The following GABRG3 variants were observed in gnomAD, a reference collection of about 807,000 sequenced individuals.
The protein encoded by GABRG3 is gamma-aminobutyric acid type A receptor subunit gamma3, also known as gamma-aminobutyric acid receptor subunit gamma-3.
A neutral mutation model predicts 48.8 loss-of-function variants in GABRG3; 25 were observed. That is an observed-to-expected ratio of 0.51 (90% CI 0.37 to 0.72). GABRG3 has a LOEUF of 0.72. GABRG3 is among the 30% of genes least tolerant of loss of function. GABRG3 has a pLI of 0.00. For missense variants in GABRG3, 394 were observed against 577.9 expected, an observed-to-expected ratio of 0.68 and a Z score of 3.26; for synonymous variants, 227 against 217.6, an observed-to-expected ratio of 1.04 and a Z score of -0.38.
intron 3 of GABRG3, among the ~76,000 whole-genome samples, chr15:27,183,310 C>G (rs1307792538): frequency 2.0e-5 from 3 of 152,124 alleles, no homozygotes; most frequent in African/African-American, 4.8e-5. Flanking sequence ...CAAAACAAAG[C>G]ATTAGGCTTG....
chr15:27,265,812 A>T (rs1339444369), intron 3 of GABRG3, among the ~76,000 whole-genome samples: 1 of 151,130 alleles, frequency 6.6e-6, no homozygotes, highest in African/African-American at 2.4e-5. Flanking sequence ...TTTTCTTTTC[A>T]TGGATCATGC....
chr15:27,307,222 CATGTTTATATTAT>C (rs1892608545), intron 3 of GABRG3, among the ~76,000 whole-genome samples: 1 of 129,854 alleles, frequency 7.7e-6, no homozygotes. Context: ...TATATATAAC[CATGTTTATATTAT>C]ATGTTTATAT....
intron 3 of GABRG3, among the ~76,000 whole-genome samples, chr15:27,116,408 A>G (rs192042610): frequency 6.6e-6 from 1 of 151,950 alleles, no homozygotes; most frequent in Non-Finnish European, 1.5e-5. Flanking sequence ...GTTCTATATC[A>G]TTTTATCTTG....
At chr15:27,366,408 A>T (rs1005349687) in intron 5 of GABRG3, 7 of 152,166 alleles carry the variant, frequency 4.6e-5, no homozygotes, top group African/African-American at 1.7e-4. Flanking sequence ...ATTATCTTTG[A>T]TTTCCATGAC....
intron 3 of GABRG3, among the ~76,000 whole-genome samples, chr15:27,237,312 G>C (rs1279335163): frequency 6.6e-6 from 1 of 152,216 alleles, no homozygotes; most frequent in Non-Finnish European, 1.5e-5. Flanking sequence ...ATGTAAGTAT[G>C]GATTTTAAAA....
intron 2 of GABRG3, among the ~76,000 whole-genome samples, chr15:27,022,888 G>A (rs1002683087): frequency 6.6e-6 from 1 of 152,194 alleles, no homozygotes; most frequent in Non-Finnish European, 1.5e-5. Flanking sequence ...CTGCTTTAGT[G>A]TTGTGACAGA....
At chr15:27,068,966 A>T (rs1025961958) in intron 3 of GABRG3, among the ~76,000 whole-genome samples, 4 of 152,252 alleles carry the variant, frequency 2.6e-5, no homozygotes, top group African/African-American at 9.6e-5. Flanking sequence ...CCACTCAGGC[A>T]TCATTGCAGG....
chr15:27,411,487 TGCA>T (rs2140599466), intron 5 of GABRG3, among the ~76,000 whole-genome samples: 1 of 152,324 alleles, frequency 6.6e-6, no homozygotes, highest in South Asian at 2.1e-4. Context: ...ATAGCTTCCT[TGCA>T]TTACTGAGAT....
At chr15:27,099,475 G>T (rs1348702978) in intron 3 of GABRG3, among the ~76,000 whole-genome samples, 1 of 152,054 alleles carries the variant, frequency 6.6e-6, no homozygotes, top group African/African-American at 2.4e-5. Flanking sequence ...CTCTTCTTAT[G>T]ATTTTTCTTT....
intron 3 of GABRG3, among the ~76,000 whole-genome samples, chr15:27,056,353 CAAA>C (rs58665097): frequency 5.2e-5 from 3 of 57,160 alleles, no homozygotes; most frequent in African/African-American, 6.7e-5. Context: ...ACCCTGTCTC[CAAA>C]AAAAAAAAAA....
At chr15:27,018,510 CTTATCT>C (rs1895820291) in intron 2 of GABRG3, among the ~76,000 whole-genome samples, 2 of 152,132 alleles carry the variant, frequency 1.3e-5, no homozygotes, top group South Asian at 4.1e-4. Flanking sequence ...TGACAATAAC[CTTATCT>C]TTATCTTTGT....
chr15:27,280,099 T>TC (rs1344733224), intron 3 of GABRG3, among the ~76,000 whole-genome samples: 2 of 152,120 alleles, frequency 1.3e-5, no homozygotes, highest in Non-Finnish European at 2.9e-5. Flanking sequence ...TTCATTTTTT[T>TC]CCCCTACTGA....
intron 3 of GABRG3, among the ~76,000 whole-genome samples, chr15:27,256,366 G>T (rs576529983): frequency 2.6e-5 from 4 of 151,740 alleles, no homozygotes; most frequent in East Asian, 1.9e-4. Flanking sequence ...GCGTGAACCC[G>T]GGAGGCAGTG....
intron 2 of GABRG3, among the ~76,000 whole-genome samples, chr15:27,015,396 T>G (rs1294295181): frequency 2.7e-5 from 4 of 148,978 alleles, no homozygotes; most frequent in Admixed American, 2.0e-4. Context: ...TTTTTTTTTT[T>G]TTTTTTGAGA....
At chr15:27,017,996 C>T (rs1244523143) in intron 2 of GABRG3, among the ~76,000 whole-genome samples, 1 of 152,200 alleles carries the variant, frequency 6.6e-6, no homozygotes, top group African/African-American at 2.4e-5. Flanking sequence ...GAACTCACAG[C>T]TCTGCTGGTC....
At chr15:27,116,498 G>A (rs563956709) in intron 3 of GABRG3, among the ~76,000 whole-genome samples, 1 of 152,120 alleles carries the variant, frequency 6.6e-6, no homozygotes, top group Non-Finnish European at 1.5e-5. Flanking sequence ...AATAAGGAAA[G>A]ATTCTAGCAA....
intron 9 of GABRG3, 149 bp downstream of exon 9, chr15:27,528,141 GT>G (rs1304205898): frequency 1.5e-6 from 1 of 650,830 alleles, no homozygotes; most frequent in Non-Finnish European, 2.7e-6. Context: ...TTAGTATTAG[GT>G]TAAAAATCCA....
rs1491159414 is a variant in GABRG3, at chr15:27,336,233, AGG to A, written c.574+7346_574+7347del. Among the ~76,000 whole-genome samples, 13 of 131,538 alleles carry A rather than the reference AGG, an allele frequency of 9.9e-5. 1 individual carries two copies. Among genetic ancestry groups the A allele is most frequent in the African/African-American group, 3.0e-4 (8 of 26,720 alleles). The allele number at this position is 131,538 out of a possible 152,430, so 86.3% of individuals were successfully genotyped here. A position where few individuals can be genotyped will look rare whatever the true frequency, so the allele number is the denominator to read the frequency against. ...AAGAGAGAGAGAGAGAGAGAGAGAG[AGG>A]AGAAGAAAAGAAAGAAAGAAAAAGA... On this transcript the variant is annotated intron_variant, in intron 5 of 9. Coordinates refer to ENST00000615808, the MANE Select transcript of GABRG3 (RefSeq NM_033223.5).
At chr15:26,981,943 G>C (rs948741046) in intron 2 of GABRG3, among the ~76,000 whole-genome samples, 1 of 152,168 alleles carries the variant, frequency 6.6e-6, no homozygotes, top group Non-Finnish European at 1.5e-5. Flanking sequence ...TTGAAGATGC[G>C]TGTCTAGTGC....
Sources: allele counts gnomAD v4.1 joint callset (sites outside exome capture counted in the v4.1 genomes callset), GRCh38; gene constraint gnomAD v4.1.1; transcripts MANE v1.5; gene names NCBI Gene and HGNC (gene_info 2026-07-23, HGNC 2026-07-21).